The following LMBRD1 variants were observed in gnomAD, a reference collection of about 807,000 sequenced individuals.
LMBRD1 encodes LMBR1 domain containing 1, also known as lysosomal cobalamin transport escort protein LMBD1.
LMBRD1 carries 64 observed loss-of-function variants against 74.8 expected under a neutral mutation model. That is an observed-to-expected ratio of 0.86 (90% confidence interval 0.70 to 1.05). The LOEUF is 1.05. Among genes scored for constraint, LMBRD1 ranks in the 50% least tolerant of loss-of-function variants. The probability of loss-of-function intolerance (pLI) is 0.00; values close to 1 mark genes in which losing one functional copy is unlikely to be tolerated. For missense variants in LMBRD1, 652 were observed against 645.9 expected (o/e 1.01, Z -0.10); for synonymous variants, 204 against 216.3 (o/e 0.94, Z 0.50).
At chr6:69,700,900 A>G in intron 11 of LMBRD1, 31 bp from the exon 12 acceptor site, 1 of 1,247,336 alleles carries the variant, frequency 8.0e-7, no homozygotes, top group Non-Finnish European at 1.1e-6. Flanking sequence ...TAAATTTAAC[A>G]TATAAACTAT....
intron 8 of LMBRD1, among the ~76,000 whole-genome samples, chr6:69,714,735 A>T (rs1292032333): frequency 6.6e-6 from 1 of 152,124 alleles, no homozygotes; most frequent in Non-Finnish European, 1.5e-5. Context: ...ACTATAATGC[A>T]GAGAAAACCT....
chr6:69,676,019 T>A lies in LMBRD1; in HGVS notation c.*139A>T. 4.4e-6 allele frequency: 3 copies of A among 679,970 alleles called. No homozygotes were observed. In the South Asian group the frequency reaches 4.9e-5, roughly 11 times the overall value. 42.1% of individuals were successfully genotyped at this position (679,970 alleles called of 1,614,324 possible). ...ATACAATGTTACTTCAGAAAACATA[T>A]AATAAAATATAGTTGTCTTATAGCC... is the stretch of plus-strand genomic sequence containing the variant. On this transcript the variant is annotated 3_prime_UTR_variant, in exon 16 of 16. Coordinates refer to ENST00000649934, the MANE Select transcript of LMBRD1 (RefSeq NM_018368.4).
At chr6:69,754,976 T>C (rs1296396311) in intron 3 of LMBRD1, among the ~76,000 whole-genome samples, 1 of 152,224 alleles carries the variant, frequency 6.6e-6, no homozygotes, top group Non-Finnish European at 1.5e-5. Context: ...TTTTACACTG[T>C]TGATGGGAGT....
At chr6:69,749,083 T>C (rs563312534) in intron 5 of LMBRD1, among the ~76,000 whole-genome samples, 1 of 151,974 alleles carries the variant, frequency 6.6e-6, no homozygotes, top group Non-Finnish European at 1.5e-5. Context: ...TAATCACATT[T>C]GTGTAAAAAG....
chr6:69,732,441 T>C (rs944209841), intron 7 of LMBRD1, among the ~76,000 whole-genome samples: 1 of 152,158 alleles, frequency 6.6e-6, no homozygotes, highest in Non-Finnish European at 1.5e-5. Context: ...CTTGATGTTG[T>C]ACTTCCCAGT....
intron 14 of LMBRD1, among the ~76,000 whole-genome samples, chr6:69,677,178 T>C (rs543936643): frequency 5.3e-5 from 8 of 152,226 alleles, no homozygotes; most frequent in African/African-American, 1.7e-4. Context: ...TAGAGAGTAA[T>C]TGGACAAAAG....
At position 69,697,637 on chromosome 6, in the gene LMBRD1, T is replaced by C; in HGVS notation, c.1343A>G (p.Asn448Ser). The change falls in exon 14 of 16, where the codon AAT (asparagine) becomes AGT (serine). Residue 448 changes from asparagine to serine, a missense_variant. Coordinates refer to ENST00000649934, the MANE Select transcript of LMBRD1 (RefSeq NM_018368.4). ...GCCTTTATGATTATCAGAAGTTATATTAGTCTGAAAGATAAAAATACAGTT... is the reference window on the plus strand; with the variant it reads ...GCCTTTATGATTATCAGAAGTTATACTAGTCTGAAAGATAAAAATACAGTT... ...YGSQNYLIET[N>S]ITSDNHKGNS... 1 of 1,566,242 alleles carries C rather than the reference T, an allele frequency of 6.4e-7. No individual in the cohort carries two copies. The highest frequency in any genetic ancestry group is 8.8e-7 in the Non-Finnish European group (1 of 1,137,960).
intron 14 of LMBRD1, among the ~76,000 whole-genome samples, chr6:69,695,203 G>T (rs1009557447): frequency 6.6e-6 from 1 of 151,208 alleles, no homozygotes; most frequent in Admixed American, 6.6e-5. Flanking sequence ...AATCTTTCCT[G>T]CTCCACTAGT....
intron 14 of LMBRD1, among the ~76,000 whole-genome samples, chr6:69,687,561 A>C (rs1021371982): frequency 6.6e-6 from 1 of 152,196 alleles, no homozygotes; most frequent in Admixed American, 6.5e-5. Flanking sequence ...CTGGAAATTA[A>C]GACATTTATA....
rs1766251762 is a variant in LMBRD1, at chr6:69,796,990, G to A, written c.-109C>T. On this transcript the variant is annotated 5_prime_UTR_variant, in exon 1 of 16. Transcript: ENST00000649934. ...ACCCGCGCACCCTAAAGGTTAAAGG[G>A]GCGGAGGGGGAGGAGCAAGTGGTTG... is the stretch of plus-strand genomic sequence containing the variant. 3.2e-6 allele frequency: 3 copies of A among 941,846 alleles called. No homozygotes were observed. The East Asian group carries it at 7.9e-5, about 25-fold the overall frequency. 58.3% of individuals were successfully genotyped at this position (941,846 alleles called of 1,614,324 possible).
At position 69,687,846 on chromosome 6, in the gene LMBRD1, C is replaced by T. The variant is rs75534017; in HGVS notation, c.1417+9717G>A. On this transcript the variant is annotated intron_variant, in intron 14 of 15. Transcript: ENST00000649934. Reference sequence around the variant, plus strand: ...TTTTCAGACCATAAAACAAAAGGACCACGTAGTTTTTTTTAAAGGTCTCTG... The same window carrying T: ...TTTTCAGACCATAAAACAAAAGGACTACGTAGTTTTTTTTAAAGGTCTCTG... 7.0e-3 allele frequency among the ~76,000 whole-genome samples: 1,070 copies of T among 152,098 alleles called. 23 individuals are homozygous for T. In the East Asian group the frequency reaches 0.079, roughly 11 times the overall value.
chr6:69,695,413 A>T (rs570884485), intron 14 of LMBRD1, among the ~76,000 whole-genome samples: 1 of 151,080 alleles, frequency 6.6e-6, no homozygotes, highest in South Asian at 2.1e-4. Context: ...TTCTCTTCTC[A>T]CTCTCTACCC....
intron 1 of LMBRD1, among the ~76,000 whole-genome samples, chr6:69,796,365 G>A (rs890849653): frequency 7.9e-5 from 12 of 152,110 alleles, no homozygotes; most frequent in Admixed American, 5.2e-4. Flanking sequence ...GGGAAAATGA[G>A]GGAAAAAACA....
intron 9 of LMBRD1, among the ~76,000 whole-genome samples, chr6:69,708,709 A>C (rs567876327): frequency 6.6e-6 from 1 of 152,316 alleles, no homozygotes; most frequent in Admixed American, 6.5e-5. Context: ...CATTTGCAAA[A>C]ATTTAAATTT....
At chr6:69,764,190 C>T (rs112417118) in intron 3 of LMBRD1, among the ~76,000 whole-genome samples, 113 of 152,206 alleles carry the variant, frequency 7.4e-4, no homozygotes, top group African/African-American at 2.7e-3. Context: ...AGCCCTAACG[C>T]CAATGTGATA....
At chr6:69,712,322 A>C (rs528945304) in intron 9 of LMBRD1, among the ~76,000 whole-genome samples, 68 of 152,162 alleles carry the variant, frequency 4.5e-4, no homozygotes, top group Non-Finnish European at 7.9e-4. Flanking sequence ...CAAGGCTGGC[A>C]AACAATGGTT....
intron 3 of LMBRD1, among the ~76,000 whole-genome samples, chr6:69,753,006 G>A (rs545978040): frequency 6.6e-6 from 1 of 152,178 alleles, no homozygotes; most frequent in East Asian, 1.9e-4. Flanking sequence ...AACATGCAAG[G>A]ACAAATAGCT....
At chr6:69,719,272 A>G (rs986166129) in intron 7 of LMBRD1, among the ~76,000 whole-genome samples, 191 bp from the exon 8 acceptor site, 1 of 152,154 alleles carries the variant, frequency 6.6e-6, no homozygotes, top group African/African-American at 2.4e-5. Flanking sequence ...CATTAAACAG[A>G]GTCAAATTTA....
intron 3 of LMBRD1, among the ~76,000 whole-genome samples, chr6:69,768,095 T>C (rs1299085807): frequency 6.6e-6 from 1 of 151,940 alleles, no homozygotes; most frequent in African/African-American, 2.4e-5. Flanking sequence ...GTTTCTCTTA[T>C]AGACAACACG....
Sources: gnomAD v4.1 joint callset for allele counts (sites outside exome capture counted in the v4.1 genomes callset) on GRCh38, gnomAD v4.1.1 for gene constraint, MANE v1.5 for transcripts, NCBI Gene and HGNC (gene_info 2026-07-23, HGNC 2026-07-21) for gene names.